The following COLEC10 variants were observed in gnomAD, a reference collection of about 807,000 sequenced individuals.
The protein encoded by COLEC10 is collectin-10.
COLEC10 carries 22 observed loss-of-function variants against 28.4 expected under a neutral mutation model. The observed-to-expected ratio is 0.78, with a 90% CI of 0.55 to 1.11. The LOEUF (loss-of-function observed/expected upper bound fraction) is 1.11. COLEC10 is among the 50% of genes least tolerant of loss of function. The probability of loss-of-function intolerance (pLI) is 0.00; values close to 1 mark genes in which losing one functional copy is unlikely to be tolerated. For missense variants in COLEC10, 361 were observed against 344.1 expected, an observed-to-expected ratio of 1.05 and a Z score of -0.39; for synonymous variants, 125 against 116.1, an observed-to-expected ratio of 1.08 and a Z score of -0.49.
At chr8:119,038,113 T>A (rs925496730) in intron 2 of COLEC10, among the ~76,000 whole-genome samples, 1 of 152,206 alleles carries the variant, frequency 6.6e-6, no homozygotes, top group Admixed American at 6.5e-5. Flanking sequence ...ATTCTCGCTA[T>A]TTGCTGTTGC....
chr8:118,990,975 A>C (rs564843302), upstream of COLEC10, among the ~76,000 whole-genome samples: 5 of 151,504 alleles, frequency 3.3e-5, no homozygotes, highest in South Asian at 8.3e-4. Flanking sequence ...TAAAGAAAAA[A>C]AAAACAAAAC....
intron 2 of COLEC10, among the ~76,000 whole-genome samples, chr8:119,013,714 C>G (rs114878704): frequency 6.6e-6 from 1 of 150,650 alleles, no homozygotes; most frequent in Non-Finnish European, 1.5e-5. Flanking sequence ...TTCTTCATTA[C>G]GTAATGCCCC....
chr8:119,057,000 T>A (rs1330229662), intron 2 of COLEC10, among the ~76,000 whole-genome samples: 1 of 152,084 alleles, frequency 6.6e-6, no homozygotes, highest in Non-Finnish European at 1.5e-5. Context: ...ATTCTTCTTT[T>A]ATTCCTCTCC....
At chr8:119,041,334 CTTT>C (rs1814490973) in intron 2 of COLEC10, among the ~76,000 whole-genome samples, 1 of 151,856 alleles carries the variant, frequency 6.6e-6, no homozygotes, top group African/African-American at 2.4e-5. Flanking sequence ...ACCTGAAGTT[CTTT>C]TTAAAAACAA....
At chr8:119,077,124 TAA>T (rs1166070480) in intron 1 of COLEC10, among the ~76,000 whole-genome samples, 3 of 152,004 alleles carry the variant, frequency 2.0e-5, no homozygotes, top group African/African-American at 7.2e-5. Context: ...AAAGCTCACA[TAA>T]AATGTACAAA....
rs190158884 is a variant in COLEC10, at chr8:119,041,970, A to G, written n.235+32417A>G. Among the ~76,000 whole-genome samples, 267 of 152,154 alleles carry G rather than the reference A, an allele frequency of 1.8e-3. 1 individual carries two copies. Among genetic ancestry groups the G allele is most frequent in the African/African-American group, 6.2e-3 (259 of 41,520 alleles). On this transcript the variant is annotated intron_variant and non_coding_transcript_variant, in intron 2 of 6. Coordinates refer to the COLEC10 transcript ENST00000521788. Reference sequence around the variant, plus strand: ...ATATAGATTGGGATATGAAATAGGCAGGAGGTAGGGGGAAGCAATTGTTTT... The same window carrying G: ...ATATAGATTGGGATATGAAATAGGCGGGAGGTAGGGGGAAGCAATTGTTTT...
chr8:118,963,785 T>C, the COLEC10 span, among the ~76,000 whole-genome samples: 1 of 152,210 alleles, frequency 6.6e-6, no homozygotes, highest in Non-Finnish European at 1.5e-5. Flanking sequence ...GGCTTTTGTC[T>C]GCCTTTTTCA....
At chr8:119,044,247 A>G (rs1814550331) in intron 2 of COLEC10, among the ~76,000 whole-genome samples, 1 of 152,236 alleles carries the variant, frequency 6.6e-6, no homozygotes, top group African/African-American at 2.4e-5. Flanking sequence ...CAAGATCCAC[A>G]TTTTACTTGC....
intron 2 of COLEC10, among the ~76,000 whole-genome samples, chr8:119,046,645 A>G (rs2130166773): frequency 6.6e-6 from 1 of 152,274 alleles, no homozygotes; most frequent in East Asian, 1.9e-4. Flanking sequence ...GTTTCACTCC[A>G]CACATTTAAT....
upstream of COLEC10, chr8:119,067,137 G>A (rs573923412): frequency 1.7e-5 from 12 of 714,210 alleles, no homozygotes; most frequent in Non-Finnish European, 2.8e-5. Context: ...AACAACCTAG[G>A]GTATGCTTCC....
the COLEC10 span, among the ~76,000 whole-genome samples, chr8:118,965,345 G>C: frequency 6.6e-6 from 1 of 152,046 alleles, no homozygotes; most frequent in African/African-American, 2.4e-5. Context: ...TTTCCCTAGT[G>C]GTTGCAAGAT....
At chr8:118,982,600 TC>T in the COLEC10 span, 1 of 196,088 alleles carries the variant, frequency 5.1e-6, no homozygotes. Context: ...TGAAAAGCTG[TC>T]CCATAGTTAG....
the COLEC10 span, among the ~76,000 whole-genome samples, chr8:118,985,704 A>C: frequency 6.6e-6 from 1 of 152,146 alleles, no homozygotes; most frequent in Non-Finnish European, 1.5e-5. Flanking sequence ...TCCTGAAGAA[A>C]GAGATAAAGA....
In COLEC10 at chr8:119,103,813, T is replaced by C; in HGVS notation, c.360T>C (p.Asp120=). ...GEKGKAGTVC[D]CGRYRKFVGQ... ...GTCATTTAAAAGGTACTGTCTGTGA[T>C]TGTGGAAGATACCGGAAATTTGTTG... is the stretch of plus-strand genomic sequence containing the variant. Residue 120 remains aspartate, a synonymous_variant, in exon 5 of 6, where the codon GAT becomes GAC. Transcript: ENST00000332843. 1 of 1,609,658 alleles carries C rather than the reference T, an allele frequency of 6.2e-7. No homozygotes were observed. The highest frequency in any genetic ancestry group is 8.5e-7 in the Non-Finnish European group (1 of 1,176,264).
chr8:118,957,717 A>G, the COLEC10 span, among the ~76,000 whole-genome samples: 1 of 152,190 alleles, frequency 6.6e-6, no homozygotes, highest in Non-Finnish European at 1.5e-5. Flanking sequence ...CTCCAGGACA[A>G]TCATCACTGA....
chr8:119,051,592 C>T (rs938274058), intron 2 of COLEC10, among the ~76,000 whole-genome samples: 10 of 152,048 alleles, frequency 6.6e-5, no homozygotes, highest in Non-Finnish European at 1.3e-4. Flanking sequence ...TGCTCATTAA[C>T]GCATGAATGA....
intron 3 of COLEC10, among the ~76,000 whole-genome samples, chr8:119,099,370 G>C (rs919143585): frequency 1.3e-5 from 2 of 152,044 alleles, no homozygotes; most frequent in African/African-American, 4.8e-5. Flanking sequence ...CATTCTATGT[G>C]AGTCAAGCCC....
At chr8:119,102,477 A>G in intron 4 of COLEC10, 76 bp downstream of exon 4, 2 of 1,260,156 alleles carry the variant, frequency 1.6e-6, no homozygotes, top group Non-Finnish European at 2.3e-6. Flanking sequence ...AATATATTTC[A>G]AATGAAAAGC....
At chr8:118,998,867 A>AAAAAAT (rs1383658812) in intron 1 of COLEC10, among the ~76,000 whole-genome samples, 1 of 151,132 alleles carries the variant, frequency 6.6e-6, no homozygotes, top group African/African-American at 2.4e-5. Context: ...AAAAAAAAAA[A>AAAAAAT]ATTAACTTGG....
Sources: gnomAD v4.1 joint callset for allele counts (sites outside exome capture counted in the v4.1 genomes callset) on GRCh38, gnomAD v4.1.1 for gene constraint, MANE v1.5 for transcripts, NCBI Gene and HGNC (gene_info 2026-07-23, HGNC 2026-07-21) for gene names.